Variants in LRRC69 observed in about 807,000 individuals in gnomAD.
LRRC69 encodes leucine-rich repeat-containing protein 69.
A neutral mutation model predicts 37.8 loss-of-function variants in LRRC69; 42 were observed. The observed-to-expected ratio is 1.11, with a 90% confidence interval of 0.87 to 1.44. The LOEUF (loss-of-function observed/expected upper bound fraction) is 1.44. Ranked by LOEUF, LRRC69 falls within the 40% of genes most tolerant of loss-of-function variation. LRRC69 has a pLI of 0.00. For synonymous variants in LRRC69, 141 were observed against 143.1 expected (o/e 0.99, Z 0.11); for missense variants, 357 against 401.9 (o/e 0.89, Z 0.96).
chr8:91,175,287 G>A (rs1172331937), intron 5 of LRRC69, among the ~76,000 whole-genome samples: 1 of 152,054 alleles, frequency 6.6e-6, no homozygotes, highest in Non-Finnish European at 1.5e-5. Context: ...TCAGCTGCAT[G>A]AACATTTAAG....
At chr8:91,206,014 T>A (rs1257738123) in intron 7 of LRRC69, among the ~76,000 whole-genome samples, 1 of 152,192 alleles carries the variant, frequency 6.6e-6, no homozygotes, top group African/African-American at 2.4e-5. Flanking sequence ...TCGATTTACT[T>A]GGTGTTGGTG....
chr8:91,141,959 A>G (rs1808540098), intron 5 of LRRC69, among the ~76,000 whole-genome samples: 1 of 152,004 alleles, frequency 6.6e-6, no homozygotes, highest in South Asian at 2.1e-4. Context: ...AGGATTACTA[A>G]TATCTTTCTT....
chr8:91,106,971 T>A (rs1220207518), intron 1 of LRRC69, among the ~76,000 whole-genome samples: 12 of 138,990 alleles, frequency 8.6e-5, no homozygotes, highest in Non-Finnish European at 1.6e-4. Context: ...TAAAAAAATT[T>A]TTTTTTTTTG....
At chr8:91,211,391 A>G (rs1809914663) in intron 7 of LRRC69, among the ~76,000 whole-genome samples, 1 of 151,632 alleles carries the variant, frequency 6.6e-6, no homozygotes, top group Non-Finnish European at 1.5e-5. Context: ...ATTGATAAAG[A>G]AAATTGAGAT....
intron 1 of LRRC69, among the ~76,000 whole-genome samples, chr8:91,120,578 T>C (rs10104912): frequency 0.082 from 12,440 of 152,166 alleles, 869 homozygotes; most frequent in African/African-American, 0.19. Flanking sequence ...GTAGCAGCTG[T>C]CTGGAAGGAT....
At chr8:91,138,277 A>T (rs1376756129) in intron 5 of LRRC69, among the ~76,000 whole-genome samples, 1 of 151,976 alleles carries the variant, frequency 6.6e-6, no homozygotes, top group Admixed American at 6.6e-5. Flanking sequence ...CTTGTGAAGT[A>T]CATTTTTAAA....
At chr8:91,162,696 T>C (rs1386500968) in intron 5 of LRRC69, among the ~76,000 whole-genome samples, 1 of 151,278 alleles carries the variant, frequency 6.6e-6, no homozygotes, top group Admixed American at 6.6e-5. Flanking sequence ...TCTTATGTTT[T>C]TATCCATTCA....
At chr8:91,196,943 C>G (rs1352082066) in intron 6 of LRRC69, among the ~76,000 whole-genome samples, 2 of 152,054 alleles carry the variant, frequency 1.3e-5, no homozygotes, top group Non-Finnish European at 2.9e-5. Flanking sequence ...TCCAGTTTTT[C>G]TGTTCTGTTT....
intron 1 of LRRC69, among the ~76,000 whole-genome samples, chr8:91,106,078 C>G (rs1191262003): frequency 1.3e-5 from 2 of 152,034 alleles, no homozygotes; most frequent in African/African-American, 4.8e-5. Context: ...CACAGAGTGT[C>G]TCTTGTGGGC....
At chr8:91,207,004 A>G (rs959694132) in intron 7 of LRRC69, among the ~76,000 whole-genome samples, 2 of 152,216 alleles carry the variant, frequency 1.3e-5, no homozygotes, top group African/African-American at 4.8e-5. Flanking sequence ...TAAGACATTT[A>G]TGTTAAAGAT....
chr8:91,142,453 C>T (rs966860445), intron 5 of LRRC69, among the ~76,000 whole-genome samples: 1 of 151,940 alleles, frequency 6.6e-6, no homozygotes, highest in Admixed American at 6.6e-5. Flanking sequence ...TTGAATAATT[C>T]CTTGAAGAAG....
chr8:91,124,651 C>T lies in LRRC69; in HGVS notation c.310+32C>T, dbSNP rs1317793385. On this transcript the variant is annotated intron_variant, in intron 2 of 7. Transcript: ENST00000448384. ...TAATCAACAAGGAACAACATTATAGCATCAAATTTAATCTCTCATATTTAA... is the reference window on the plus strand; with the variant it reads ...TAATCAACAAGGAACAACATTATAGTATCAAATTTAATCTCTCATATTTAA... 2.7e-6 allele frequency: 4 copies of T among 1,481,390 alleles called. No individual in the cohort carries two copies. In the East Asian group the frequency reaches 1.1e-4, roughly 39 times the overall value. 91.8% of individuals were successfully genotyped at this position (1,481,390 alleles called of 1,614,324 possible). A position where few individuals can be genotyped will look rare whatever the true frequency, so the allele number is the denominator to read the frequency against.
intron 5 of LRRC69, among the ~76,000 whole-genome samples, chr8:91,172,915 A>T (rs985783602): frequency 1.3e-5 from 2 of 152,180 alleles, no homozygotes; most frequent in East Asian, 3.9e-4. Flanking sequence ...TTCTGGGCAC[A>T]GGAGATTCCC....
chr8:91,122,024 G>GC (rs1813632283), intron 1 of LRRC69, among the ~76,000 whole-genome samples: 1 of 151,944 alleles, frequency 6.6e-6, no homozygotes, highest in African/African-American at 2.4e-5. Flanking sequence ...ATATATCTGG[G>GC]CCAGACCCTT....
chr8:91,199,303 A>G (rs1415216754), intron 6 of LRRC69, among the ~76,000 whole-genome samples: 2 of 152,220 alleles, frequency 1.3e-5, no homozygotes, highest in Non-Finnish European at 2.9e-5. Flanking sequence ...GCATGACCTC[A>G]GTCATGCAAC....
chr8:91,132,274 C>G (rs1813821965), intron 3 of LRRC69, among the ~76,000 whole-genome samples: 1 of 151,882 alleles, frequency 6.6e-6, no homozygotes, highest in African/African-American at 2.4e-5. Context: ...TTTACTGCCT[C>G]TAATGCTTTA....
intron 3 of LRRC69, among the ~76,000 whole-genome samples, chr8:91,132,687 G>A (rs1305159795): frequency 6.6e-6 from 1 of 151,938 alleles, no homozygotes; most frequent in East Asian, 1.9e-4. Context: ...CAGCAATTGA[G>A]CAGTACTCAT....
intron 5 of LRRC69, among the ~76,000 whole-genome samples, chr8:91,152,909 C>A (rs1357904301): frequency 2.0e-5 from 3 of 151,078 alleles, no homozygotes; most frequent in African/African-American, 7.3e-5. Context: ...GCTAAATACC[C>A]CAATTAAAAG....
At chr8:91,188,983 C>A (rs1333680223) in intron 5 of LRRC69, among the ~76,000 whole-genome samples, 1 of 152,014 alleles carries the variant, frequency 6.6e-6, no homozygotes, top group Non-Finnish European at 1.5e-5. Context: ...TACCACCACA[C>A]CTGGCTAATT....
Sources: gnomAD v4.1 joint callset for allele counts (sites outside exome capture counted in the v4.1 genomes callset) on GRCh38, gnomAD v4.1.1 for gene constraint, MANE v1.5 for transcripts, NCBI Gene and HGNC (gene_info 2026-07-23, HGNC 2026-07-21) for gene names.